The following FARS2 variants were observed in gnomAD, a reference collection of about 807,000 sequenced individuals.
The protein encoded by FARS2 is phenylalanyl-tRNA synthetase 2, mitochondrial.
In FARS2, 40 loss-of-function variants were observed where a neutral mutation model predicts 46.4. The ratio of observed to expected loss-of-function variants is 0.86; its 90% confidence interval spans 0.67 to 1.12. The LOEUF (loss-of-function observed/expected upper bound fraction) is 1.12. FARS2 is among the 50% of genes most tolerant of loss of function. The pLI, the probability that FARS2 is intolerant of heterozygous loss-of-function variation, is 0.00. For synonymous variants in FARS2, 234 were observed against 214.9 expected (o/e 1.09, Z -0.78); for missense variants, 513 against 567.9 (o/e 0.90, Z 0.98).
chr6:5,560,120 C>T (rs1439517485), intron 5 of FARS2, among the ~76,000 whole-genome samples: 1 of 152,082 alleles, frequency 6.6e-6, no homozygotes, highest in Non-Finnish European at 1.5e-5. Context: ...ACTAAATGAA[C>T]TATGGTGATA....
intron 1 of FARS2, among the ~76,000 whole-genome samples, chr6:5,329,673 A>G (rs928325389): frequency 6.6e-6 from 1 of 152,198 alleles, no homozygotes; most frequent in Non-Finnish European, 1.5e-5. Context: ...CCCCTTGGTC[A>G]CTTGCTAGAA....
At chr6:5,439,264 G>A (rs1322313524) in intron 4 of FARS2, among the ~76,000 whole-genome samples, 1 of 152,162 alleles carries the variant, frequency 6.6e-6, no homozygotes, top group Admixed American at 6.6e-5. Flanking sequence ...ATCTGTGCAG[G>A]TTTCCACATA....
chr6:5,669,382 C>CT (rs1778329815), intron 6 of FARS2, among the ~76,000 whole-genome samples: 1 of 151,900 alleles, frequency 6.6e-6, no homozygotes, highest in Non-Finnish European at 1.5e-5. Context: ...TCCCCCCACC[C>CT]CCCCGCTGCC....
chr6:5,302,253 T>C (rs1287398581), intron 1 of FARS2, among the ~76,000 whole-genome samples: 2 of 152,186 alleles, frequency 1.3e-5, no homozygotes, highest in Admixed American at 1.3e-4. Context: ...GCAAAACATG[T>C]TAAGATTCAG....
chr6:5,560,359 G>A (rs952731148), intron 5 of FARS2, among the ~76,000 whole-genome samples: 3 of 152,066 alleles, frequency 2.0e-5, no homozygotes, highest in Admixed American at 6.6e-5. Context: ...TTAATCTTGT[G>A]ACATTTAGTG....
rs899149155 is a variant in FARS2 at position 5,727,789 on chromosome 6, A to C, written c.1218-43502A>C. Among the ~76,000 whole-genome samples, 1 of 152,170 alleles carries C rather than the reference A, an allele frequency of 6.6e-6. No individual in the cohort carries two copies. Among genetic ancestry groups the C allele is most frequent in the Non-Finnish European group, 1.5e-5 (1 of 68,030 alleles). On this transcript the variant is annotated intron_variant, in intron 6 of 6. Coordinates refer to ENST00000274680, the MANE Select transcript of FARS2 (RefSeq NM_006567.5). The surrounding 1 kb of genome is among the most constrained non-coding windows in gnomAD (Gnocchi z 4.1). The stretch of plus-strand genomic sequence containing the variant: ...GCTCAAAACACTTCCTCGAGCTTCT[A>C]TACATTCTGCTCGTTGCCATGTGTC...
intron 1 of FARS2, among the ~76,000 whole-genome samples, chr6:5,366,430 C>G (rs2127638633): frequency 6.6e-6 from 1 of 152,242 alleles, no homozygotes; most frequent in African/African-American, 2.4e-5. Flanking sequence ...GGAAGGCTCT[C>G]CTAGTCATCC....
intron 1 of FARS2, among the ~76,000 whole-genome samples, chr6:5,293,303 T>C (rs1269336531): frequency 6.6e-6 from 1 of 151,982 alleles, no homozygotes; most frequent in Admixed American, 6.6e-5. Context: ...GTAGGAGAAA[T>C]TATGTGCTGA....
At chr6:5,689,887 A>G (rs1296610680) in intron 6 of FARS2, among the ~76,000 whole-genome samples, 1 of 152,098 alleles carries the variant, frequency 6.6e-6, no homozygotes, top group African/African-American at 2.4e-5. Flanking sequence ...GTGCTCCTGT[A>G]TTGGGTGCAT....
chr6:5,362,999 C>T (rs1469854330), intron 1 of FARS2, among the ~76,000 whole-genome samples: 18 of 148,696 alleles, frequency 1.2e-4, no homozygotes, highest in Admixed American at 1.2e-3. Context: ...CGATCTCGGC[C>T]CACTGCAAGC....
intron 1 of FARS2, among the ~76,000 whole-genome samples, chr6:5,315,826 T>C (rs1232129500): frequency 1.3e-5 from 2 of 151,238 alleles, no homozygotes; most frequent in African/African-American, 4.8e-5. Flanking sequence ...GCGCTGCTTA[T>C]AAATGCATGT....
chr6:5,437,305 A>G (rs530688187), intron 4 of FARS2, among the ~76,000 whole-genome samples: 9 of 152,288 alleles, frequency 5.9e-5, no homozygotes, highest in African/African-American at 2.2e-4. Flanking sequence ...ATATATTTCC[A>G]TTCTCTAGAA....
intron 3 of FARS2, 69 bp downstream of exon 3, chr6:5,404,770 GGT>G: frequency 3.0e-6 from 3 of 1,003,062 alleles, no homozygotes; most frequent in South Asian, 2.9e-5. Context: ...TTTGGATTTG[GGT>G]TTTTTTTTTT....
intron 5 of FARS2, among the ~76,000 whole-genome samples, chr6:5,550,345 G>A (rs71557566): frequency 0.022 from 3,296 of 152,186 alleles, 49 homozygotes; most frequent in Middle Eastern, 0.041. Flanking sequence ...GTGCCATCAC[G>A]GCTCACTGCA....
At chr6:5,438,256 C>CCG (rs1763650275) in intron 4 of FARS2, among the ~76,000 whole-genome samples, 1 of 83,148 alleles carries the variant, frequency 1.2e-5, no homozygotes, top group Admixed American at 1.7e-4. Context: ...GCCCCCCCCC[C>CCG]CATTTTTGTT....
At chr6:5,284,010 A>G (rs959833282) in intron 1 of FARS2, among the ~76,000 whole-genome samples, 1 of 152,248 alleles carries the variant, frequency 6.6e-6, no homozygotes, top group East Asian at 1.9e-4. Context: ...ATTATCTTCT[A>G]CAAAGGTTTT....
intron 4 of FARS2, among the ~76,000 whole-genome samples, chr6:5,508,500 AG>A (rs1218407384): frequency 2.1e-5 from 3 of 144,976 alleles, no homozygotes; most frequent in Non-Finnish European, 4.5e-5. Flanking sequence ...GTGAATTAGC[AG>A]GAGATCTTCT....
chr6:5,478,205 A>G (rs1766241066), intron 4 of FARS2, among the ~76,000 whole-genome samples: 1 of 152,192 alleles, frequency 6.6e-6, no homozygotes, highest in Non-Finnish European at 1.5e-5. Context: ...TGTGGCTGTA[A>G]CAGGGGCTCC....
At position 5,402,596 on chromosome 6, in the gene FARS2, G is replaced by A. The variant is rs539707130; in HGVS notation, c.613-1946G>A. Reference sequence around the variant, plus strand: ...TTAGTGGTTTATTTATTTATTTTTGGTGTGGGTTAGAGAATGGTTTTGTAA... The same window carrying A: ...TTAGTGGTTTATTTATTTATTTTTGATGTGGGTTAGAGAATGGTTTTGTAA... On this transcript the variant is annotated intron_variant, in intron 2 of 6. Coordinates refer to ENST00000274680, the MANE Select transcript of FARS2 (RefSeq NM_006567.5). Among the ~76,000 whole-genome samples the A allele has an allele frequency of 2.6e-5, 4 of 152,158 alleles. No homozygotes were observed. The South Asian group carries it at 8.3e-4, about 32-fold the overall frequency.
Sources: gnomAD v4.1 joint callset for allele counts (sites outside exome capture counted in the v4.1 genomes callset) on GRCh38, gnomAD v4.1.1 for gene constraint, Gnocchi (gnomAD v3.1) non-coding constraint, MANE v1.5 for transcripts, NCBI Gene and HGNC (gene_info 2026-07-23, HGNC 2026-07-21) for gene names.